The following CLPB variants were observed in gnomAD, a reference collection of about 807,000 sequenced individuals.
The protein encoded by CLPB is ClpB family mitochondrial disaggregase.
In CLPB, 40 loss-of-function variants were observed where a neutral mutation model predicts 78.4. That is an observed-to-expected ratio of 0.51 (90% CI 0.40 to 0.66). The LOEUF (loss-of-function observed/expected upper bound fraction) is 0.66. Among genes scored for constraint, CLPB ranks in the 30% least tolerant of loss-of-function variants. The pLI is 0.00. For synonymous variants in CLPB, 333 were observed against 348.0 expected, an observed-to-expected ratio of 0.96 and a Z score of 0.48; for missense variants, 780 against 886.9, an observed-to-expected ratio of 0.88 and a Z score of 1.53.
intron 5 of CLPB, among the ~76,000 whole-genome samples, chr11:72,356,469 G>T (rs1432302612): frequency 6.6e-6 from 1 of 151,970 alleles, no homozygotes; most frequent in Admixed American, 6.5e-5. Flanking sequence ...GACCAAGGGA[G>T]GTCAAGGGGG....
Position 72,359,030 on chromosome 11 carries a change from C to T in CLPB, c.647-22G>A, listed in dbSNP as rs762635684. On this transcript the variant is annotated intron_variant, in intron 4 of 15. Transcript: ENST00000538039. ...AGGACTGGGGAGACAGCAACACAAA[C>T]CCTTCCATTAGCAACGACAGCATGA... 4.3e-6 allele frequency: 7 copies of T among 1,612,450 alleles called. No individual in the cohort carries two copies. The East Asian group carries it at 1.6e-4, about 36-fold the overall frequency.
At chr11:72,386,289 CCT>C (rs1855074922) in intron 3 of CLPB, among the ~76,000 whole-genome samples, 1 of 152,032 alleles carries the variant, frequency 6.6e-6, no homozygotes, top group Non-Finnish European at 1.5e-5. Flanking sequence ...TTCACAAATC[CCT>C]TATTAAGGTC....
Position 72,333,682 on chromosome 11 carries a change from G to A in CLPB, c.776-3878C>T, listed in dbSNP as rs141299243. ...TGAGTGTCATCAGTGTGCTGAAGGAGGGACAGGCGGCACTGGGGGGCTCAG... is the reference window on the plus strand; with the variant it reads ...TGAGTGTCATCAGTGTGCTGAAGGAAGGACAGGCGGCACTGGGGGGCTCAG... On this transcript the variant is annotated intron_variant, in intron 5 of 15. Transcript: ENST00000538039. Among the ~76,000 whole-genome samples, 684 of 152,316 alleles carry A rather than the reference G, an allele frequency of 4.5e-3. 7 individuals carry two copies. The highest frequency in any genetic ancestry group is 0.016 in the African/African-American group (652 of 41,562).
chr11:72,332,808 ACT>A (rs1950252001), intron 5 of CLPB: 1 of 152,160 alleles, frequency 6.6e-6, no homozygotes, highest in Non-Finnish European at 1.5e-5. Flanking sequence ...GCTGAATAAT[ACT>A]CCATTCTGTG....
Position 72,373,031 on chromosome 11 carries a change from G to A in CLPB, c.646+7250C>T, listed in dbSNP as rs1353888564. 23 of 1,611,440 alleles carry A rather than the reference G, an allele frequency of 1.4e-5. No individual in the cohort carries two copies. Among genetic ancestry groups the A allele is most frequent in the Non-Finnish European group, 2.0e-5 (23 of 1,177,674 alleles). ...GTCCCCCATCTGAAGACACAGAGAT[G>A]GGGAGGTCAGCTGGAGCAGGCCAGG... On this transcript the variant is annotated intron_variant, in intron 4 of 15. Coordinates refer to ENST00000538039, the MANE Select transcript of CLPB (RefSeq NM_001258392.3).
rs140788513 is a variant in CLPB at position 72,393,782 on chromosome 11, G to A, written c.542+9184C>T. On this transcript the variant is annotated intron_variant, in intron 3 of 15. Coordinates refer to ENST00000538039, the MANE Select transcript of CLPB (RefSeq NM_001258392.3). ...CTTTTAGTATTGCTAAGTTTTGCAC[G>A]TTGGGTTTTACAGTTGGTTTTTAAT... is the stretch of plus-strand genomic sequence containing the variant. 6.0e-3 allele frequency among the ~76,000 whole-genome samples: 918 copies of A among 152,284 alleles called. 14 individuals carry two copies. Among genetic ancestry groups the A allele is most frequent in the African/African-American group, 0.021 (878 of 41,558 alleles).
At chr11:72,337,104 AT>A (rs1950336429) in intron 5 of CLPB, 1 of 398,532 alleles carries the variant, frequency 2.5e-6, no homozygotes, top group Non-Finnish European at 4.4e-6. Flanking sequence ...GTCAGAGCCA[AT>A]TCTCCTCTAC....
At chr11:72,354,692 A>G (rs1950676384) in intron 5 of CLPB, 1 of 219,928 alleles carries the variant, frequency 4.5e-6, no homozygotes, top group Non-Finnish European at 8.9e-6. Flanking sequence ...AGCATCTTCC[A>G]AGGTAAAAAA....
In CLPB at chr11:72,288,090, C is replaced by G. The variant is rs1312017468; in HGVS notation, c.*5277G>C. The stretch of plus-strand genomic sequence containing the variant: ...TCTTTCACTATATTGAGGAATTTCC[C>G]TAAATTTTAAAATCACTACACACCT... On this transcript the variant is annotated 3_prime_UTR_variant, in exon 16 of 16. Coordinates refer to ENST00000538039, the MANE Select transcript of CLPB (RefSeq NM_001258392.3). 1 of 151,880 alleles carries G rather than the reference C, an allele frequency of 6.6e-6. No individual in the cohort carries two copies. Among genetic ancestry groups the G allele is most frequent in the East Asian group, 1.9e-4 (1 of 5,184 alleles). 9.4% of individuals were successfully genotyped at this position (151,880 alleles called of 1,614,324 possible).
intron 5 of CLPB, among the ~76,000 whole-genome samples, chr11:72,348,571 G>A (rs918214454): frequency 6.6e-6 from 1 of 151,946 alleles, no homozygotes; most frequent in African/African-American, 2.4e-5. Context: ...TCTGGCTCTG[G>A]TCTCACCTCC....
Position 72,416,393 on chromosome 11 carries a change from C to G in CLPB, c.456-13341G>C, listed in dbSNP as rs149629853. On this transcript the variant is annotated intron_variant, in intron 2 of 15. Coordinates refer to ENST00000538039, the MANE Select transcript of CLPB (RefSeq NM_001258392.3). ...GTCATCATGATACATTTTTCTCCCCCTCAATGCCTAATAAGAAATTGCTCA... is the reference window on the plus strand; with the variant it reads ...GTCATCATGATACATTTTTCTCCCCGTCAATGCCTAATAAGAAATTGCTCA... 2.5e-3 allele frequency among the ~76,000 whole-genome samples: 385 copies of G among 152,226 alleles called. 1 individual carries two copies. The highest frequency in any genetic ancestry group is 9.0e-3 in the African/African-American group (375 of 41,532).
chr11:72,359,109 C>T (rs1410007900), intron 4 of CLPB, 101 bp from the exon 5 acceptor site: 2 of 1,576,726 alleles, frequency 1.3e-6, no homozygotes, highest in East Asian at 4.5e-5. Flanking sequence ...ACTCATCTAC[C>T]TACTTACTAA....
intron 7 of CLPB, among the ~76,000 whole-genome samples, chr11:72,313,101 G>A (rs948184600): frequency 6.6e-6 from 1 of 152,198 alleles, no homozygotes; most frequent in African/African-American, 2.4e-5. Context: ...TTCTTGATAG[G>A]TGCCAGGGAT....
At position 72,303,012 on chromosome 11, in the gene CLPB, C is replaced by T. The variant is rs112392113; in HGVS notation, c.1123-664G>A. The T allele has an allele frequency of 6.9e-3, 1,051 of 152,344 alleles. 5 individuals are homozygous for T. The highest frequency in any genetic ancestry group is 0.01 in the African/African-American group (435 of 41,504). The allele number at this position is 152,344 out of a possible 1,614,324, so 9.4% of individuals were successfully genotyped here. ...CACCACAGGGTGTAGGGGTGATTTC[C>T]GAGGAAGTGGCCCCATGGGTGAGGG... On this transcript the variant is annotated intron_variant, in intron 9 of 15. Coordinates refer to ENST00000538039, the MANE Select transcript of CLPB (RefSeq NM_001258392.3).
intron 9 of CLPB, among the ~76,000 whole-genome samples, chr11:72,303,531 G>A (rs1949696174): frequency 1.3e-5 from 2 of 152,174 alleles, no homozygotes; most frequent in African/African-American, 4.8e-5. Flanking sequence ...CCCTTTTTGA[G>A]CTGCAGTTTT....
chr11:72,300,461 C>T (rs1297327592), intron 11 of CLPB, among the ~76,000 whole-genome samples: 2 of 152,150 alleles, frequency 1.3e-5, no homozygotes, highest in Non-Finnish European at 2.9e-5. Flanking sequence ...TCAGTGTACA[C>T]GTGAGTAACT....
intron 2 of CLPB, chr11:72,410,937 C>A (rs12363858): frequency 1.3e-5 from 2 of 151,998 alleles, no homozygotes; most frequent in African/African-American, 4.8e-5. Flanking sequence ...TACTATTACT[C>A]TTTTTTAAAA....
chr11:72,310,492 G>A (rs758241191), intron 7 of CLPB, among the ~76,000 whole-genome samples: 35 of 152,308 alleles, frequency 2.3e-4, no homozygotes, highest in East Asian at 1.5e-3. Flanking sequence ...TTGGCTAAGC[G>A]GGGAGTCCCT....
At chr11:72,433,524 G>T (rs1441371988) in intron 1 of CLPB, among the ~76,000 whole-genome samples, 1 of 150,874 alleles carries the variant, frequency 6.6e-6, no homozygotes, top group Non-Finnish European at 1.5e-5. Flanking sequence ...TGGCGACAGA[G>T]CAAGACTCCA....
Sources: allele counts gnomAD v4.1 joint callset (sites outside exome capture counted in the v4.1 genomes callset), GRCh38; gene constraint gnomAD v4.1.1; transcripts MANE v1.5; gene names NCBI Gene and HGNC (gene_info 2026-07-23, HGNC 2026-07-21).